RGS20: variants seen among roughly 807,000 people sequenced by gnomAD.
The protein encoded by RGS20 is regulator of G protein signaling 20, also known as gz-selective GTPase-activating protein.
In RGS20, 30 loss-of-function variants were observed where a neutral mutation model predicts 33.6. That is an observed-to-expected ratio of 0.89 (90% CI 0.67 to 1.21). The LOEUF is 1.21. Ranked by LOEUF, RGS20 falls within the 50% of genes most tolerant of loss-of-function variation. RGS20 has a pLI of 0.00. For missense variants in RGS20, 472 were observed against 502.4 expected (o/e 0.94, Z 0.58); for synonymous variants, 208 against 197.9 (o/e 1.05, Z -0.43).
At chr8:53,881,040 C>T (rs777518345) in intron 2 of RGS20, 47 of 1,569,252 alleles carry the variant, frequency 3.0e-5, no homozygotes, top group Non-Finnish European at 3.8e-5. Context: ...CGGAGGCGAG[C>T]CGGCCGGGGC....
intron 2 of RGS20, among the ~76,000 whole-genome samples, chr8:53,926,743 C>T (rs1585928597): frequency 6.6e-6 from 1 of 152,228 alleles, no homozygotes. Flanking sequence ...GAAACCCCAT[C>T]TCTACTAAAA....
chr8:53,946,583 G>C, intron 3 of RGS20, 82 bp from the exon 3 acceptor site: 1 of 1,122,050 alleles, frequency 8.9e-7, no homozygotes, highest in Non-Finnish European at 1.3e-6. Context: ...TTGGGGATCT[G>C]AAGTTCTCTT....
At chr8:53,900,059 A>G (rs1197402613) in intron 2 of RGS20, among the ~76,000 whole-genome samples, 1 of 152,134 alleles carries the variant, frequency 6.6e-6, no homozygotes, top group African/African-American at 2.4e-5. Context: ...GGTTACTTCT[A>G]GATTTGTGAA....
intron 2 of RGS20, chr8:53,887,103 A>C (rs1476338176): frequency 6.1e-6 from 1 of 164,502 alleles, no homozygotes; most frequent in Non-Finnish European, 1.3e-5. Flanking sequence ...CCAGCACCGC[A>C]TTCATCTGAA....
At chr8:53,903,900 A>G (rs1232944246) in intron 2 of RGS20, among the ~76,000 whole-genome samples, 1 of 152,094 alleles carries the variant, frequency 6.6e-6, no homozygotes, top group Non-Finnish European at 1.5e-5. Context: ...GACCTCCACC[A>G]TTATCCAGAC....
Position 53,901,547 on chromosome 8 carries a change from T to A in RGS20, c.510+21945T>A, listed in dbSNP as rs73587685. On this transcript the variant is annotated intron_variant, in intron 2 of 5. Transcript: ENST00000297313. Reference sequence around the variant, plus strand: ...GCTGTCTATTGCCACTTCTAAAACATTCCTTCTCTGAAAAACCGCACCTCT... The same window carrying A: ...GCTGTCTATTGCCACTTCTAAAACAATCCTTCTCTGAAAAACCGCACCTCT... 7.9e-3 allele frequency among the ~76,000 whole-genome samples: 1,207 copies of A among 152,298 alleles called. 19 individuals carry two copies. Among genetic ancestry groups the A allele is most frequent in the African/African-American group, 0.028 (1,145 of 41,552 alleles).
chr8:53,862,089 C>T (rs1367064214), intron 1 of RGS20, among the ~76,000 whole-genome samples: 1 of 152,186 alleles, frequency 6.6e-6, no homozygotes, highest in Non-Finnish European at 1.5e-5. Flanking sequence ...GGTCGTTAGC[C>T]TGGACCAAAC....
rs138302727 is a variant in RGS20 at position 53,958,168 on chromosome 8, A to C, written c.979-102A>C. The C allele has an allele frequency of 1.0e-3, 915 of 898,794 alleles. 17 individuals are homozygous for C. The East Asian group carries it at 0.022, about 22-fold the overall frequency. 55.7% of individuals were successfully genotyped at this position (898,794 alleles called of 1,614,324 possible). On this transcript the variant is annotated intron_variant, in intron 5 of 5. Transcript: ENST00000297313. ...AACAAACAACAAAAAAACCAAAAAC[A>C]AAAAACAAAAACAACAACAAAAATC... is the stretch of plus-strand genomic sequence containing the variant.
chr8:53,916,883 G>A (rs1281397193), intron 2 of RGS20, among the ~76,000 whole-genome samples: 3 of 152,080 alleles, frequency 2.0e-5, no homozygotes, highest in South Asian at 2.1e-4. Context: ...TCTTCTCACC[G>A]CACCCTCACA....
At position 53,877,274 on chromosome 8, in the gene RGS20, G is replaced by GT. The variant is rs1320542884; in HGVS notation, c.166-1983dup. 1.1e-4 allele frequency among the ~76,000 whole-genome samples: 16 copies of GT among 152,316 alleles called. No homozygotes were observed. In the South Asian group the frequency reaches 3.3e-3, roughly 32 times the overall value. ...GCTGGTCCTCTCTCGACTTCTTAGC[G>GT]TGGGGTCCCGCCGGCCCTGCCGCCC... On this transcript the variant is annotated intron_variant, in intron 1 of 5. Coordinates refer to ENST00000297313, the MANE Select transcript of RGS20 (RefSeq NM_170587.4). This position sits in a 1 kb window ranked among gnomAD's most constrained non-coding sequence, Gnocchi z 5.7.
chr8:53,939,838 GT>G, intron 3 of RGS20, 114 bp downstream of exon 2: 3 of 1,275,874 alleles, frequency 2.4e-6, no homozygotes, highest in Non-Finnish European at 3.2e-6. Context: ...TTCAATAAGT[GT>G]TTTTTAAGCA....
intron 1 of RGS20, among the ~76,000 whole-genome samples, chr8:53,865,627 A>G (rs925481516): frequency 6.6e-6 from 1 of 152,104 alleles, no homozygotes; most frequent in Non-Finnish European, 1.5e-5. Flanking sequence ...TTTGTTTTTG[A>G]GACAGAGTTT....
At chr8:53,934,476 A>G (rs62515804) in intron 2 of RGS20, among the ~76,000 whole-genome samples, 2,492 of 152,338 alleles carry the variant, frequency 0.016, 25 homozygotes, top group Non-Finnish European at 0.027. Flanking sequence ...GATAAAACAG[A>G]CTTTAAACCA....
At chr8:53,914,330 C>A (rs1289420776) in intron 2 of RGS20, among the ~76,000 whole-genome samples, 7 of 152,228 alleles carry the variant, frequency 4.6e-5, no homozygotes, top group African/African-American at 1.7e-4. Flanking sequence ...TTCTTTGATG[C>A]CAATCCAATT....
chr8:53,924,050 C>T, intron 2 of RGS20, among the ~76,000 whole-genome samples: 1 of 151,154 alleles, frequency 6.6e-6, no homozygotes, highest in Non-Finnish European at 1.5e-5. Context: ...GAGTGTCTTG[C>T]TGTGTTGCCC....
At chr8:53,897,568 A>C (rs985956963) in intron 2 of RGS20, among the ~76,000 whole-genome samples, 4 of 152,266 alleles carry the variant, frequency 2.6e-5, no homozygotes, top group African/African-American at 4.8e-5. Context: ...CAACAAAATT[A>C]ACAGTAAGCA....
At chr8:53,870,976 C>T (rs1019757445) in intron 1 of RGS20, among the ~76,000 whole-genome samples, 34 of 151,410 alleles carry the variant, frequency 2.2e-4, no homozygotes, top group African/African-American at 6.8e-4. Flanking sequence ...CCAGGTGTGG[C>T]GGCAGGAGCC....
At chr8:53,931,552 A>AAAC (rs147351535) in intron 2 of RGS20, among the ~76,000 whole-genome samples, 12,603 of 150,618 alleles carry the variant, frequency 0.084, 679 homozygotes, top group South Asian at 0.22. Flanking sequence ...CAAAACTCCA[A>AAAC]AACAACAACA....
chr8:53,880,538 C>A (rs1327001815), intron 2 of RGS20, among the ~76,000 whole-genome samples: 4 of 152,172 alleles, frequency 2.6e-5, no homozygotes, highest in Admixed American at 1.3e-4. Context: ...TGCCGCCCAC[C>A]CCCGCTCCTT....
Sources: allele counts gnomAD v4.1 joint callset (sites outside exome capture counted in the v4.1 genomes callset), GRCh38; gene constraint gnomAD v4.1.1; non-coding constraint Gnocchi (gnomAD v3.1); transcripts MANE v1.5; gene names NCBI Gene and HGNC (gene_info 2026-07-23, HGNC 2026-07-21).